The following EXOC1 variants were observed in gnomAD, a reference collection of about 807,000 sequenced individuals.
The protein encoded by EXOC1 is SEC3-like 1.
EXOC1 carries 67 observed loss-of-function variants against 107.7 expected under a neutral mutation model. The ratio of observed to expected loss-of-function variants is 0.62; its 90% CI spans 0.51 to 0.76. The LOEUF (loss-of-function observed/expected upper bound fraction) is 0.76, where lower values mean the gene tolerates loss of function less well. EXOC1 is among the 30% of genes least tolerant of loss of function. The pLI, the probability that EXOC1 is intolerant of heterozygous loss-of-function variation, is 0.00. For missense variants in EXOC1, 833 were observed against 1,055.7 expected, an observed-to-expected ratio of 0.79 and a Z score of 2.92; for synonymous variants, 348 against 353.5, an observed-to-expected ratio of 0.98 and a Z score of 0.17.
chr4:55,902,292 A>G (rs765491514), intron 17 of EXOC1, 52 bp from the exon 18 acceptor site: 7 of 1,303,804 alleles, frequency 5.4e-6, no homozygotes, highest in Non-Finnish European at 7.0e-6. Context: ...TTTTTAATGT[A>G]AATAATAATA....
chr4:55,875,504 TAG>T, intron 8 of EXOC1: 9 of 973,352 alleles, frequency 9.2e-6, no homozygotes, highest in Non-Finnish European at 1.1e-5. Context: ...GTGCAGACAC[TAG>T]AGCCAAACTT....
intron 3 of EXOC1, among the ~76,000 whole-genome samples, chr4:55,863,742 A>G (rs1401151693): frequency 2.0e-5 from 3 of 152,244 alleles, no homozygotes; most frequent in Admixed American, 6.5e-5. Flanking sequence ...CTTAGAAAGT[A>G]CACCAGGATA....
At chr4:55,894,614 CTTT>C (rs772700227) in intron 15 of EXOC1, among the ~76,000 whole-genome samples, 6 of 76,116 alleles carry the variant, frequency 7.9e-5, no homozygotes, top group South Asian at 6.4e-4. Flanking sequence ...CTATCTGTTA[CTTT>C]TTTTTTTTTT....
At chr4:55,895,507 C>T (rs1231899376) in intron 15 of EXOC1, among the ~76,000 whole-genome samples, 1 of 152,202 alleles carries the variant, frequency 6.6e-6, no homozygotes, top group Non-Finnish European at 1.5e-5. Flanking sequence ...ACTGACTATA[C>T]TCTTAGGGTT....
At chr4:55,898,446 A>C (rs1393244099) in intron 16 of EXOC1, among the ~76,000 whole-genome samples, 1 of 151,604 alleles carries the variant, frequency 6.6e-6, no homozygotes, top group Non-Finnish European at 1.5e-5. Context: ...AATTTAAAGC[A>C]GAAGTATTGT....
At chr4:55,876,822 T>C (rs1722942724) in intron 8 of EXOC1, 1 of 984,568 alleles carries the variant, frequency 1.0e-6, no homozygotes, top group Non-Finnish European at 1.2e-6. Context: ...TTTTTCTTTT[T>C]AATTTCCATT....
chr4:55,872,182 C>G (rs1417160904), intron 8 of EXOC1, among the ~76,000 whole-genome samples: 1 of 152,120 alleles, frequency 6.6e-6, no homozygotes, highest in Non-Finnish European at 1.5e-5. Context: ...CTGATGCTCT[C>G]TGATTCTAGA....
intron 2 of EXOC1, among the ~76,000 whole-genome samples, chr4:55,859,296 T>C (rs931536871): frequency 2.0e-5 from 3 of 152,156 alleles, no homozygotes; most frequent in Non-Finnish European, 4.4e-5. Flanking sequence ...AGGTGTTTTT[T>C]AACTTTATAA....
chr4:55,870,661 G>GTTT lies in EXOC1; in HGVS notation c.604-17_604-16insTTT. The GTTT allele has an allele frequency of 7.2e-7, 1 of 1,390,368 alleles. No homozygotes were observed. The highest frequency in any genetic ancestry group is 1.7e-5 in the African/African-American group (1 of 59,808). The allele number at this position is 1,390,368 out of a possible 1,614,324, so 86.1% of individuals were successfully genotyped here. A position where few individuals can be genotyped will look rare whatever the true frequency, so the allele number is the denominator to read the frequency against. ...GTTTGTTTGTTTGTTTGTTTGTTTT[G>GTTT]GTCTTTAACTTTGTAGGCTAACATC... On this transcript the variant is annotated splice_polypyrimidine_tract_variant and intron_variant, in intron 5 of 18. Transcript: ENST00000381295.
intron 9 of EXOC1, chr4:55,882,850 ATAAACT>A (rs1226616707): frequency 6.6e-6 from 1 of 152,158 alleles, no homozygotes; most frequent in East Asian, 1.9e-4. Context: ...AGATTTTATG[ATAAACT>A]TAAAAGAATA....
At chr4:55,879,962 T>C (rs969298430) in intron 9 of EXOC1, among the ~76,000 whole-genome samples, 1 of 152,190 alleles carries the variant, frequency 6.6e-6, no homozygotes, top group African/African-American at 2.4e-5. Flanking sequence ...TGATATGTTT[T>C]GTCTCTGTGG....
At chr4:55,858,558 G>T in intron 2 of EXOC1, 111 bp downstream of exon 2, 1 of 1,214,390 alleles carries the variant, frequency 8.2e-7, no homozygotes, top group South Asian at 2.1e-5. Flanking sequence ...AAAATTGTTG[G>T]GTCAACACAT....
intron 3 of EXOC1, 88 bp downstream of exon 3, chr4:55,860,629 A>G: frequency 1.4e-6 from 2 of 1,446,970 alleles, no homozygotes; most frequent in South Asian, 1.4e-5. Context: ...TGATCTAAAA[A>G]CAAATTAATA....
chr4:55,863,021 C>G (rs1721617669), intron 3 of EXOC1, among the ~76,000 whole-genome samples: 1 of 152,104 alleles, frequency 6.6e-6, no homozygotes, highest in African/African-American at 2.4e-5. Context: ...CCACCTTAGC[C>G]TCCCGAGTAG....
At chr4:55,868,246 T>G in intron 4 of EXOC1, 90 bp from the exon 5 acceptor site, 3 of 1,020,990 alleles carry the variant, frequency 2.9e-6, no homozygotes, top group East Asian at 5.8e-5. Context: ...AAATGTGACC[T>G]GTGCTTATAA....
intron 2 of EXOC1, among the ~76,000 whole-genome samples, chr4:55,859,155 G>A (rs2110308495): frequency 6.6e-6 from 1 of 152,222 alleles, no homozygotes; most frequent in South Asian, 2.1e-4. Flanking sequence ...GAAACAACTT[G>A]TCGAGTTTCA....
chr4:55,860,339 C>G, intron 2 of EXOC1, 72 bp from the exon 3 acceptor site: 1 of 1,581,296 alleles, frequency 6.3e-7, no homozygotes, highest in Non-Finnish European at 8.6e-7. Flanking sequence ...GAAAGCTATA[C>G]TTGCAATGAG....
chr4:55,903,823 A>G (rs943341287), intron 18 of EXOC1, among the ~76,000 whole-genome samples: 2 of 152,142 alleles, frequency 1.3e-5, no homozygotes, highest in African/African-American at 4.8e-5. Flanking sequence ...GATTGCAGAT[A>G]ATGGGTCTGA....
intron 8 of EXOC1, among the ~76,000 whole-genome samples, chr4:55,872,604 CTTTTA>C: frequency 6.6e-6 from 1 of 151,788 alleles, no homozygotes; most frequent in Middle Eastern, 3.4e-3. Context: ...TTAAAAGTCC[CTTTTA>C]TTTTATTAGA....
Sources: gnomAD v4.1 joint callset for allele counts (sites outside exome capture counted in the v4.1 genomes callset) on GRCh38, gnomAD v4.1.1 for gene constraint, MANE v1.5 for transcripts, NCBI Gene and HGNC (gene_info 2026-07-23, HGNC 2026-07-21) for gene names.